Variants in SWAP70 observed in about 807,000 individuals in gnomAD.
SWAP70 encodes the protein switch-associated protein 70.
A neutral mutation model predicts 80.2 loss-of-function variants in SWAP70; 34 were observed. The ratio of observed to expected loss-of-function variants is 0.42; its 90% CI spans 0.32 to 0.56. The LOEUF is 0.56. SWAP70 is among the 20% of genes least tolerant of loss of function. The probability of loss-of-function intolerance (pLI) is 0.09; values close to 1 mark genes in which losing one functional copy is unlikely to be tolerated. For missense variants in SWAP70, 578 were observed against 690.7 expected, an observed-to-expected ratio of 0.84 and a Z score of 1.83; for synonymous variants, 239 against 238.5, an observed-to-expected ratio of 1.00 and a Z score of -0.02.
At chr11:9,742,811 G>C (rs1366609688) in intron 9 of SWAP70, among the ~76,000 whole-genome samples, 1 of 151,584 alleles carries the variant, frequency 6.6e-6, no homozygotes, top group Non-Finnish European at 1.5e-5. Flanking sequence ...TTGGAAAACT[G>C]GCACTAATGA....
In SWAP70 at chr11:9,726,890, G is replaced by A. The variant is rs1029348149; in HGVS notation, c.643-1163G>A. The A allele has an allele frequency of 1.2e-4, 57 of 456,156 alleles. 1 individual carries two copies. In the Admixed American group the frequency reaches 1.3e-3, roughly 10 times the overall value. The allele number at this position is 456,156 out of a possible 1,614,324, so 28.3% of individuals were successfully genotyped here. On this transcript the variant is annotated intron_variant, in intron 4 of 11. Coordinates refer to ENST00000318950, the MANE Select transcript of SWAP70 (RefSeq NM_015055.4). ...AGAAGCCAGTATTTGAACTCCTGGT[G>A]CAGTATTTTCCTGTTGGTCTGGGGC...
chr11:9,708,639 T>C (rs10840292), intron 2 of SWAP70, among the ~76,000 whole-genome samples: 50,410 of 152,076 alleles, frequency 0.33, 8,615 homozygotes, highest in Non-Finnish European at 0.36. Flanking sequence ...TATCTAGCCA[T>C]TTCCCCTCAG....
rs571284159 is a variant in SWAP70 at position 9,718,843 on chromosome 11, A to G, written c.414+5204A>G. Among the ~76,000 whole-genome samples, 522 of 152,284 alleles carry G rather than the reference A, an allele frequency of 3.4e-3. 3 individuals carry two copies. Among genetic ancestry groups the G allele is most frequent in the Middle Eastern group, 0.01 (3 of 294 alleles). On this transcript the variant is annotated intron_variant, in intron 3 of 11. Transcript: ENST00000318950. ...TATAACCAGCCTGGCTTGGTGGTTC[A>G]TGCCTGCAATCTTTGGGAGGCTGAG...
chr11:9,721,761 C>T (rs1057225717), intron 3 of SWAP70, among the ~76,000 whole-genome samples: 1 of 152,120 alleles, frequency 6.6e-6, no homozygotes, highest in East Asian at 1.9e-4. Flanking sequence ...AGCCATCACA[C>T]CTGGCTTCTC....
At chr11:9,677,961 C>T (rs1850521607) in intron 1 of SWAP70, among the ~76,000 whole-genome samples, 2 of 152,070 alleles carry the variant, frequency 1.3e-5, no homozygotes, top group Non-Finnish European at 2.9e-5. Flanking sequence ...TTTCTGTTCC[C>T]ATACAGACAT....
chr11:9,719,864 GA>G (rs1851113749), intron 3 of SWAP70, among the ~76,000 whole-genome samples: 1 of 152,134 alleles, frequency 6.6e-6, no homozygotes, highest in Admixed American at 6.6e-5. Flanking sequence ...ATAGTTTTAA[GA>G]GACCCTAAAT....
intron 3 of SWAP70, chr11:9,720,296 C>G (rs1253916855): frequency 2.3e-5 from 23 of 985,284 alleles, no homozygotes; most frequent in Non-Finnish European, 2.7e-5. Context: ...CAGATCGAAG[C>G]TGGGTGCTAA....
intron 1 of SWAP70, among the ~76,000 whole-genome samples, chr11:9,691,627 G>A (rs1286068155): frequency 6.6e-6 from 1 of 152,174 alleles, no homozygotes; most frequent in Admixed American, 6.5e-5. Context: ...GACAACTGAA[G>A]ACATAATGTT....
intron 4 of SWAP70, among the ~76,000 whole-genome samples, chr11:9,725,551 ATATATATATATATATATATTTTT>A (rs1416469382): frequency 0.12 from 6,766 of 55,136 alleles, 508 homozygotes; most frequent in East Asian, 0.38. Flanking sequence ...ATATATATAT[ATATATATATATATATATATTTTT>A]TTTTTTTTTT....
In SWAP70 at chr11:9,732,635, G is replaced by A. The variant is rs1271626586; in HGVS notation, c.1005G>A (p.Glu335=). The A allele has an allele frequency of 6.3e-7, 1 of 1,583,696 alleles. No individual in the cohort carries two copies. Among genetic ancestry groups the A allele is most frequent in the Non-Finnish European group, 8.6e-7 (1 of 1,163,062 alleles). ...GGAAGAAGCAGCTGGCTGAACAAGA[G>A]GAACTGGAGCGACAAATGAAGGAAC... ...ELRKKQLAEQ[E]ELERQMKELQ... Residue 335 remains glutamate, a synonymous_variant, in exon 7 of 12, where the codon GAG becomes GAA. Coordinates refer to ENST00000318950, the MANE Select transcript of SWAP70 (RefSeq NM_015055.4).
At chr11:9,667,717 T>C (rs1850326337) in intron 1 of SWAP70, among the ~76,000 whole-genome samples, 1 of 151,976 alleles carries the variant, frequency 6.6e-6, no homozygotes, top group African/African-American at 2.4e-5. Flanking sequence ...CACAGGCCAC[T>C]ATGCCCAGCT....
chr11:9,722,425 G>T (rs1259326104), intron 3 of SWAP70, among the ~76,000 whole-genome samples: 4 of 152,218 alleles, frequency 2.6e-5, no homozygotes, highest in Non-Finnish European at 4.4e-5. Flanking sequence ...CTGGGTTAGG[G>T]TTGGTCAGAG....
rs187592878 is a variant in SWAP70 at position 9,685,598 on chromosome 11, C to T, written c.100-8548C>T. On this transcript the variant is annotated intron_variant, in intron 1 of 11. Coordinates refer to ENST00000318950, the MANE Select transcript of SWAP70 (RefSeq NM_015055.4). ...TCATTGATCCCATTTGCGAGAGTTC[C>T]GCTCTCTTGACTTAATCACCACCTA... 6.3e-5 allele frequency among the ~76,000 whole-genome samples: 9 copies of T among 143,472 alleles called. 1 individual carries two copies. The highest frequency in any genetic ancestry group is 5.8e-4 in the East Asian group (3 of 5,166). 94.1% of individuals were successfully genotyped at this position (143,472 alleles called of 152,430 possible). A position where few individuals can be genotyped will look rare whatever the true frequency, so the allele number is the denominator to read the frequency against.
intron 3 of SWAP70, among the ~76,000 whole-genome samples, chr11:9,715,656 T>C (rs1292808275): frequency 6.6e-6 from 1 of 152,180 alleles, no homozygotes; most frequent in African/African-American, 2.4e-5. Context: ...AGAAGAGAGC[T>C]TGTGCAGGGA....
intron 1 of SWAP70, among the ~76,000 whole-genome samples, chr11:9,687,952 G>T (rs1344228902): frequency 6.6e-6 from 1 of 152,132 alleles, no homozygotes; most frequent in Non-Finnish European, 1.5e-5. Context: ...AATCTTGAAG[G>T]ATGTGACTAG....
chr11:9,680,710 C>T (rs867019901), intron 1 of SWAP70, among the ~76,000 whole-genome samples: 4 of 152,046 alleles, frequency 2.6e-5, no homozygotes, highest in South Asian at 2.1e-4. Flanking sequence ...TTAAAAATAC[C>T]GATTACATGT....
chr11:9,686,752 G>A (rs2134440022), intron 1 of SWAP70, among the ~76,000 whole-genome samples: 1 of 152,280 alleles, frequency 6.6e-6, no homozygotes, highest in Admixed American at 6.5e-5. Context: ...TCATTGTGTT[G>A]ATGCATCATG....
chr11:9,729,933 T>G (rs1364263759), intron 6 of SWAP70, among the ~76,000 whole-genome samples: 1 of 152,246 alleles, frequency 6.6e-6, no homozygotes, highest in African/African-American at 2.4e-5. Context: ...TTAGTTTTAT[T>G]TGCATAATGA....
chr11:9,671,971 TTA>T lies in SWAP70; in HGVS notation c.99+7699_99+7700del, dbSNP rs1317971598. ...TATAATATATAATATATTTTATATG[TTA>T]TATATTTTTCTATATTTTATATAAT... On this transcript the variant is annotated intron_variant, in intron 1 of 11. Coordinates refer to ENST00000318950, the MANE Select transcript of SWAP70 (RefSeq NM_015055.4). Among the ~76,000 whole-genome samples, 257 of 114,454 alleles carry T rather than the reference TTA, an allele frequency of 2.2e-3. 1 individual carries two copies. The highest frequency in any genetic ancestry group is 0.012 in the Middle Eastern group (1 of 82). The allele number at this position is 114,454 out of a possible 152,430, so 75.1% of individuals were successfully genotyped here.
Sources: allele counts gnomAD v4.1 joint callset (sites outside exome capture counted in the v4.1 genomes callset), GRCh38; gene constraint gnomAD v4.1.1; transcripts MANE v1.5; gene names NCBI Gene and HGNC (gene_info 2026-07-23, HGNC 2026-07-21).